The following TMEM132D variants were observed in gnomAD, a reference collection of about 807,000 sequenced individuals.
TMEM132D encodes the protein transmembrane protein 132D, also known as mature OL transmembrane protein.
Under a neutral mutation model 62.3 loss-of-function variants are expected in TMEM132D, and 21 were observed. The observed-to-expected ratio is 0.34, with a 90% confidence interval of 0.24 to 0.49. The LOEUF (loss-of-function observed/expected upper bound fraction) is 0.49, where lower values mean the gene tolerates loss of function less well. TMEM132D is among the 20% of genes least tolerant of loss of function. TMEM132D has a pLI of 0.99. For synonymous variants in TMEM132D, 621 were observed against 575.6 expected, an observed-to-expected ratio of 1.08 and a Z score of -1.13; for missense variants, 1,346 against 1,402.8, an observed-to-expected ratio of 0.96 and a Z score of 0.65.
chr12:129,830,012 G>C (rs760956112), intron 1 of TMEM132D, among the ~76,000 whole-genome samples: 6 of 152,086 alleles, frequency 3.9e-5, no homozygotes, highest in Admixed American at 6.6e-5. Context: ...ATCTCACTCA[G>C]CTCCAAGCCT....
chr12:129,582,491 A>AG (rs1177186133), intron 2 of TMEM132D, among the ~76,000 whole-genome samples: 1 of 152,220 alleles, frequency 6.6e-6, no homozygotes, highest in Non-Finnish European at 1.5e-5. Context: ...TCTCTGAGGC[A>AG]GGGGGTGATG....
At chr12:129,185,232 A>G (rs1878188334) in intron 5 of TMEM132D, among the ~76,000 whole-genome samples, 1 of 152,164 alleles carries the variant, frequency 6.6e-6, no homozygotes, top group Admixed American at 6.5e-5. Flanking sequence ...GGGCGTGAGG[A>G]CCCTGGCATT....
At chr12:129,243,276 G>A (rs2135585541) in intron 4 of TMEM132D, among the ~76,000 whole-genome samples, 1 of 152,250 alleles carries the variant, frequency 6.6e-6, no homozygotes, top group African/African-American at 2.4e-5. Context: ...ATTATTCATT[G>A]TAGTATTTCT....
chr12:129,450,285 G>T (rs111858412), intron 3 of TMEM132D, among the ~76,000 whole-genome samples: 1 of 152,124 alleles, frequency 6.6e-6, no homozygotes, highest in East Asian at 1.9e-4. Context: ...TGCTGTGCCT[G>T]TGTCCTGAAT....
intron 3 of TMEM132D, among the ~76,000 whole-genome samples, chr12:129,353,094 C>G: frequency 6.6e-6 from 1 of 150,560 alleles, no homozygotes; most frequent in East Asian, 2.0e-4. Context: ...TTTCCCCCTC[C>G]CTCCCTCCCT....
chr12:129,507,007 C>T (rs1198534211), intron 3 of TMEM132D, among the ~76,000 whole-genome samples: 3 of 151,692 alleles, frequency 2.0e-5, no homozygotes, highest in African/African-American at 7.3e-5. Context: ...AACAAATTAG[C>T]AAGAAAAAAA....
intron 1 of TMEM132D, among the ~76,000 whole-genome samples, chr12:129,752,931 C>T (rs1870046176): frequency 6.6e-6 from 1 of 152,146 alleles, no homozygotes; most frequent in Non-Finnish European, 1.5e-5. Flanking sequence ...AGGGTGGTCC[C>T]CCCAAAGCAA....
intron 4 of TMEM132D, among the ~76,000 whole-genome samples, chr12:129,335,174 C>A (rs1869234053): frequency 7.5e-6 from 1 of 132,624 alleles, no homozygotes; most frequent in African/African-American, 2.8e-5. Flanking sequence ...CCCTGTCACA[C>A]AGGCTGGAGT....
At chr12:129,235,295 C>T (rs1879749033) in intron 4 of TMEM132D, among the ~76,000 whole-genome samples, 3 of 152,024 alleles carry the variant, frequency 2.0e-5, no homozygotes, top group Admixed American at 1.3e-4. Flanking sequence ...TAAATGTACG[C>T]AATTGTGCAA....
chr12:129,655,898 G>C (rs977742827), intron 2 of TMEM132D, among the ~76,000 whole-genome samples: 1 of 152,118 alleles, frequency 6.6e-6, no homozygotes, highest in African/African-American at 2.4e-5. Flanking sequence ...TGAGCCCCTC[G>C]GGTTACAGAC....
chr12:129,189,211 GC>G (rs1480131471), intron 5 of TMEM132D, among the ~76,000 whole-genome samples: 1 of 152,148 alleles, frequency 6.6e-6, no homozygotes, highest in Non-Finnish European at 1.5e-5. Flanking sequence ...TTTGCTCATA[GC>G]CTTTGGAGGT....
intron 3 of TMEM132D, among the ~76,000 whole-genome samples, chr12:129,504,407 A>G (rs1875267751): frequency 1.3e-5 from 2 of 152,164 alleles, no homozygotes; most frequent in African/African-American, 2.4e-5. Context: ...TTTTATTACC[A>G]TTTCAATCTT....
intron 1 of TMEM132D, among the ~76,000 whole-genome samples, chr12:129,703,099 C>G (rs1881422000): frequency 6.6e-6 from 1 of 152,234 alleles, no homozygotes; most frequent in South Asian, 2.1e-4. Context: ...GCTGCCTCAG[C>G]ACTCTTTTGC....
intron 3 of TMEM132D, among the ~76,000 whole-genome samples, chr12:129,464,529 G>A (rs1378717924): frequency 6.6e-6 from 1 of 152,178 alleles, no homozygotes; most frequent in East Asian, 1.9e-4. Context: ...TGGTGTTTTA[G>A]ACATGAAGTC....
rs555789504 is a variant in TMEM132D, at chr12:129,708,077, C to T, written c.80-7379G>A. On this transcript the variant is annotated intron_variant, in intron 1 of 8. Transcript: ENST00000422113. Reference sequence around the variant, plus strand: ...ACTAAAAACACAAAGATCAGCTGGGCGTGGTGGCATGCACCTGTAATCCCA... The same window carrying T: ...ACTAAAAACACAAAGATCAGCTGGGTGTGGTGGCATGCACCTGTAATCCCA... 7.5e-4 allele frequency among the ~76,000 whole-genome samples: 114 copies of T among 152,074 alleles called. 1 individual carries two copies. The highest frequency in any genetic ancestry group is 8.5e-4 in the Admixed American group (13 of 15,266).
intron 2 of TMEM132D, among the ~76,000 whole-genome samples, chr12:129,569,918 T>C (rs1178368932): frequency 6.6e-6 from 1 of 152,204 alleles, no homozygotes; most frequent in Non-Finnish European, 1.5e-5. Flanking sequence ...AATGGACGTA[T>C]CCTACTTCAA....
At chr12:129,323,427 A>AAT (rs397775575) in intron 4 of TMEM132D, among the ~76,000 whole-genome samples, 1 of 151,908 alleles carries the variant, frequency 6.6e-6, no homozygotes, top group Admixed American at 6.6e-5. Context: ...CAGAAAAAAA[A>AAT]TATCTAGCAT....
chr12:129,866,337 G>A (rs892337384), intron 1 of TMEM132D, among the ~76,000 whole-genome samples: 5 of 150,954 alleles, frequency 3.3e-5, no homozygotes, highest in East Asian at 2.0e-4. Flanking sequence ...GCAAACTATC[G>A]CAAGGACAAA....
intron 4 of TMEM132D, among the ~76,000 whole-genome samples, chr12:129,311,858 T>G (rs1881985245): frequency 6.6e-6 from 1 of 152,120 alleles, no homozygotes; most frequent in Non-Finnish European, 1.5e-5. Flanking sequence ...CGTCTAGGGC[T>G]CACCAGCAAA....
Sources: allele counts gnomAD v4.1 joint callset (sites outside exome capture counted in the v4.1 genomes callset), GRCh38; gene constraint gnomAD v4.1.1; transcripts MANE v1.5; gene names NCBI Gene and HGNC (gene_info 2026-07-23, HGNC 2026-07-21).